Variants in FAM184B observed in about 807,000 individuals in gnomAD.
The protein encoded by FAM184B is protein FAM184B.
FAM184B carries 111 observed loss-of-function variants against 135.9 expected under a neutral mutation model. The ratio of observed to expected loss-of-function variants is 0.82; its 90% CI spans 0.70 to 0.96. The LOEUF (loss-of-function observed/expected upper bound fraction) is 0.96. Ranked by LOEUF, FAM184B falls within the 40% of genes least tolerant of loss-of-function variation. The probability of loss-of-function intolerance (pLI) is 0.00; values close to 1 mark genes in which losing one functional copy is unlikely to be tolerated. For missense variants in FAM184B, 1,375 were observed against 1,323.9 expected, an observed-to-expected ratio of 1.04 and a Z score of -0.60; for synonymous variants, 552 against 524.8, an observed-to-expected ratio of 1.05 and a Z score of -0.71.
At chr4:17,770,474 T>C (rs1718794903) in intron 1 of FAM184B, among the ~76,000 whole-genome samples, 1 of 148,110 alleles carries the variant, frequency 6.8e-6, no homozygotes, top group Admixed American at 6.8e-5. Context: ...GTTGTTGTTG[T>C]TTTTTCTGAG....
intron 1 of FAM184B, among the ~76,000 whole-genome samples, chr4:17,741,919 T>C (rs888838158): frequency 1.3e-5 from 2 of 151,988 alleles, no homozygotes; most frequent in Non-Finnish European, 2.9e-5. Context: ...TTCTAATCAA[T>C]AGGTTTACTA....
intron 1 of FAM184B, among the ~76,000 whole-genome samples, chr4:17,777,405 C>CT (rs1718949439): frequency 6.6e-6 from 1 of 152,002 alleles, no homozygotes; most frequent in South Asian, 2.1e-4. Context: ...ATGGTTATGG[C>CT]TTAATGACTA....
In FAM184B at chr4:17,639,186, A is replaced by T. The variant is rs1715234730; in HGVS notation, c.2666+64T>A. On this transcript the variant is annotated intron_variant, in intron 14 of 17. Transcript: ENST00000265018. Reference sequence around the variant, plus strand: ...AGGAAATCCCAGGGTCATTGGGGTGAGTTGGCCACCCTACTGAATGGTACA... The same window carrying T: ...AGGAAATCCCAGGGTCATTGGGGTGTGTTGGCCACCCTACTGAATGGTACA... 3 of 1,466,878 alleles carry T rather than the reference A, an allele frequency of 2.0e-6. No homozygotes were observed. In the South Asian group the frequency reaches 3.7e-5, roughly 18 times the overall value. The allele number at this position is 1,466,878 out of a possible 1,614,324, so 90.9% of individuals were successfully genotyped here. A position where few individuals can be genotyped will look rare whatever the true frequency, so the allele number is the denominator to read the frequency against.
At chr4:17,776,590 C>G (rs1343158195) in intron 1 of FAM184B, among the ~76,000 whole-genome samples, 1 of 152,136 alleles carries the variant, frequency 6.6e-6, no homozygotes, top group Admixed American at 6.5e-5. Flanking sequence ...TGGGGTTTCT[C>G]CATGTTGGTC....
rs367815643 is a variant in FAM184B, at chr4:17,699,328, T to C, written c.1377+5672A>G. 7.9e-4 allele frequency among the ~76,000 whole-genome samples: 120 copies of C among 152,082 alleles called. 5 individuals carry two copies. The South Asian group carries it at 0.024, about 31-fold the overall frequency. On this transcript the variant is annotated intron_variant, in intron 5 of 17. Coordinates refer to ENST00000265018, the MANE Select transcript of FAM184B (RefSeq NM_015688.2). The stretch of plus-strand genomic sequence containing the variant: ...AAGAAATGGCCATAAAATTTCCAAA[T>C]TTCATGAAAACTGTAAACTCATAGA...
intron 7 of FAM184B, among the ~76,000 whole-genome samples, chr4:17,674,105 AG>A (rs1188188599): frequency 6.6e-6 from 1 of 152,198 alleles, no homozygotes; most frequent in Non-Finnish European, 1.5e-5. Flanking sequence ...TCATTAGAAA[AG>A]GTAAATATAT....
intron 1 of FAM184B, among the ~76,000 whole-genome samples, chr4:17,714,440 G>C (rs1717363818): frequency 6.6e-6 from 1 of 152,146 alleles, no homozygotes; most frequent in African/African-American, 2.4e-5. Flanking sequence ...GTTCAAGATG[G>C]AAGGCATCCG....
chr4:17,748,471 A>G (rs1170146494), intron 1 of FAM184B, among the ~76,000 whole-genome samples: 1 of 147,992 alleles, frequency 6.8e-6, no homozygotes, highest in East Asian at 2.0e-4. Context: ...GATTTGACAC[A>G]TGACTTTGTC....
intron 7 of FAM184B, among the ~76,000 whole-genome samples, chr4:17,680,326 A>G (rs1335783847): frequency 6.6e-6 from 1 of 152,134 alleles, no homozygotes; most frequent in Admixed American, 6.6e-5. Context: ...CCTGTCTTGT[A>G]CCTGGTTGCA....
At position 17,781,358 on chromosome 4, in the gene FAM184B, G is replaced by A. The variant is rs1053800117; in HGVS notation, c.-59C>T. 2.1e-6 allele frequency: 3 copies of A among 1,430,068 alleles called. No individual in the cohort carries two copies. The highest frequency in any genetic ancestry group is 1.8e-4 in the Middle Eastern group (1 of 5,516). 88.6% of individuals were successfully genotyped at this position (1,430,068 alleles called of 1,614,324 possible). A position where few individuals can be genotyped will look rare whatever the true frequency, so the allele number is the denominator to read the frequency against. On this transcript the variant is annotated 5_prime_UTR_variant, in exon 1 of 18. It adds an upstream start codon to the 5' untranslated region. Coordinates refer to ENST00000265018, the MANE Select transcript of FAM184B (RefSeq NM_015688.2). The surrounding 1 kb of genome is among the most constrained non-coding windows in gnomAD (Gnocchi z 6.5). ...TTTTCTCCCTGCCCACCGTGTGCAC[G>A]TGCGTGCGCGCGCGGGCGTGCGAGC...
chr4:17,766,056 G>C (rs968736601), intron 1 of FAM184B, among the ~76,000 whole-genome samples: 2 of 152,190 alleles, frequency 1.3e-5, no homozygotes, highest in African/African-American at 4.8e-5. Context: ...GCTCATAAAG[G>C]AAGTGCAGGC....
intron 1 of FAM184B, among the ~76,000 whole-genome samples, chr4:17,770,442 TG>T (rs536212211): frequency 7.3e-5 from 1 of 13,776 alleles, no homozygotes; most frequent in African/African-American, 1.8e-4. Flanking sequence ...AACTAGTTGT[TG>T]TTGTTGTTGT....
intron 2 of FAM184B, among the ~76,000 whole-genome samples, 185 bp downstream of exon 2, chr4:17,708,707 A>C (rs1372805681): frequency 4.2e-4 from 23 of 54,970 alleles, no homozygotes; most frequent in Non-Finnish European, 5.6e-4. Flanking sequence ...ATATATATAT[A>C]TAGTGTCTGT....
intron 11 of FAM184B, among the ~76,000 whole-genome samples, chr4:17,650,560 T>C (rs1039867005): frequency 6.6e-6 from 1 of 152,150 alleles, no homozygotes; most frequent in African/African-American, 2.4e-5. Flanking sequence ...CAGGGACAGC[T>C]GCACTGGCAG....
chr4:17,662,155 A>G (rs1036051858), intron 8 of FAM184B, among the ~76,000 whole-genome samples: 6 of 151,974 alleles, frequency 3.9e-5, no homozygotes, highest in Non-Finnish European at 7.4e-5. Context: ...GGCCTCATCC[A>G]TGTTGTTGTG....
chr4:17,724,693 C>G (rs1004778944), intron 1 of FAM184B, among the ~76,000 whole-genome samples: 3 of 152,230 alleles, frequency 2.0e-5, no homozygotes, highest in African/African-American at 7.2e-5. Context: ...TGGTTGCAGG[C>G]ACTCTGCGCT....
At chr4:17,689,275 T>C (rs1387331552) in intron 6 of FAM184B, among the ~76,000 whole-genome samples, 1 of 152,190 alleles carries the variant, frequency 6.6e-6, no homozygotes, top group Non-Finnish European at 1.5e-5. Context: ...GCCTTAATTA[T>C]GATGATGATT....
intron 1 of FAM184B, among the ~76,000 whole-genome samples, chr4:17,777,649 A>G (rs1718952825): frequency 6.6e-6 from 1 of 152,222 alleles, no homozygotes; most frequent in South Asian, 2.1e-4. Context: ...AAGGCAAGGA[A>G]TTCACCAGGA....
chr4:17,725,789 G>C (rs1424046719), intron 1 of FAM184B, among the ~76,000 whole-genome samples: 1 of 152,148 alleles, frequency 6.6e-6, no homozygotes, highest in East Asian at 1.9e-4. Context: ...GAAAGGCCCA[G>C]GGGTTGTGGC....
Sources: allele counts gnomAD v4.1 joint callset (sites outside exome capture counted in the v4.1 genomes callset), GRCh38; gene constraint gnomAD v4.1.1; non-coding constraint Gnocchi (gnomAD v3.1); transcripts MANE v1.5; gene names NCBI Gene and HGNC (gene_info 2026-07-23, HGNC 2026-07-21).